The following MAST2 variants were observed in gnomAD, a reference collection of about 807,000 sequenced individuals.
MAST2 encodes the protein microtubule-associated serine/threonine-protein kinase 2.
Under a neutral mutation model 147.4 loss-of-function variants are expected in MAST2, and 70 were observed. The observed-to-expected ratio is 0.47, with a 90% CI of 0.39 to 0.58. MAST2 has a LOEUF of 0.58. MAST2 is among the 20% of genes least tolerant of loss of function. MAST2 has a pLI of 0.00. For synonymous variants in MAST2, 869 were observed against 896.8 expected (o/e 0.97, Z 0.55); for missense variants, 2,080 against 2,302.3 (o/e 0.90, Z 1.98).
At chr1:46,000,245 C>T (rs1453536184) in intron 6 of MAST2, among the ~76,000 whole-genome samples, 4 of 152,150 alleles carry the variant, frequency 2.6e-5, no homozygotes, top group South Asian at 2.1e-4. Context: ...ATCCGGGAGG[C>T]AGAGGTTGCA....
chr1:46,032,378 G>A lies in MAST2; in HGVS notation c.3388G>A (p.Val1130Ile), dbSNP rs1243133179. ...TCGCGTCTACATGGGTGACTCCGAT[G>A]TCTACACCGTGCACCATATGGTGTG... ...AIRVYMGDSD[V>I]YTVHHMVWHV... Residue 1130 changes from valine (V) to isoleucine (I), a missense_variant, in exon 25 of 29, where the codon GTC becomes ATC. Transcript: ENST00000361297. The A allele has an allele frequency of 6.2e-7, 1 of 1,612,786 alleles. No homozygotes were observed. The highest frequency in any genetic ancestry group is 1.7e-5 in the Admixed American group (1 of 59,898).
intron 28 of MAST2, 86 bp downstream of exon 28, chr1:46,034,352 C>G: frequency 4.9e-6 from 7 of 1,438,624 alleles, no homozygotes; most frequent in Non-Finnish European, 6.5e-6. Flanking sequence ...AGATCCCACT[C>G]TGAGTCTCTC....
chr1:45,958,417 C>T (rs939880671), intron 4 of MAST2, among the ~76,000 whole-genome samples: 2 of 151,820 alleles, frequency 1.3e-5, no homozygotes, highest in African/African-American at 4.8e-5. Flanking sequence ...TGTCTGAGTC[C>T]TTCATATCAT....
intron 3 of MAST2, among the ~76,000 whole-genome samples, chr1:45,848,566 G>A (rs529555094): frequency 4.1e-4 from 62 of 152,148 alleles, no homozygotes; most frequent in Non-Finnish European, 7.2e-4. Flanking sequence ...GGAAGCTTGT[G>A]CTTGGTTTCC....
At chr1:45,982,541 A>G (rs1356174985) in intron 5 of MAST2, among the ~76,000 whole-genome samples, 1 of 152,212 alleles carries the variant, frequency 6.6e-6, no homozygotes, top group Non-Finnish European at 1.5e-5. Context: ...TGGTTGGTGA[A>G]CACAGGAGGG....
rs971449905 is a variant in MAST2, at chr1:45,804,142, G to A, written c.177+70G>A. ...GTGGGGGAGGGGATCTTCGGCGGGA[G>A]GACCCGGGCTGGAGCTTTGGAGGGG... On this transcript the variant is annotated intron_variant, in intron 1 of 28. Transcript: ENST00000361297. 3 of 1,270,402 alleles carry A rather than the reference G, an allele frequency of 2.4e-6. No homozygotes were observed. In the African/African-American group the frequency reaches 4.7e-5, roughly 20 times the overall value. The allele number at this position is 1,270,402 out of a possible 1,614,324, so 78.7% of individuals were successfully genotyped here. A position where few individuals can be genotyped will look rare whatever the true frequency, so the allele number is the denominator to read the frequency against.
rs558155327 is a variant in MAST2, at chr1:45,825,397, A to G, written c.325+817A>G. ...AGAGCCATTTCTTGTTTGGTTTTTCATAACATTCTCCTCTTTTTTTAAAAG... is the reference window on the plus strand; with the variant it reads ...AGAGCCATTTCTTGTTTGGTTTTTCGTAACATTCTCCTCTTTTTTTAAAAG... On this transcript the variant is annotated intron_variant, in intron 2 of 28. Transcript: ENST00000361297. Among the ~76,000 whole-genome samples the G allele has an allele frequency of 2.6e-5, 4 of 151,166 alleles. No individual in the cohort carries two copies. In the South Asian group the frequency reaches 6.3e-4, roughly 24 times the overall value.
chr1:45,884,583 A>T (rs904035899), intron 4 of MAST2, among the ~76,000 whole-genome samples: 1 of 151,872 alleles, frequency 6.6e-6, no homozygotes, highest in African/African-American at 2.4e-5. Flanking sequence ...AAAAAAGCCT[A>T]CTCTGTGCTG....
chr1:45,980,938 A>G (rs1264265405), intron 5 of MAST2, among the ~76,000 whole-genome samples: 1 of 152,220 alleles, frequency 6.6e-6, no homozygotes, highest in Non-Finnish European at 1.5e-5. Flanking sequence ...AGATAGAGCC[A>G]ATTTATCAAA....
At chr1:45,811,228 A>G (rs985725892) in intron 1 of MAST2, among the ~76,000 whole-genome samples, 2 of 145,154 alleles carry the variant, frequency 1.4e-5, no homozygotes, top group African/African-American at 2.6e-5. Context: ...GTGCGATGGC[A>G]CGATCTCGGC....
chr1:45,905,834 G>C (rs1174781264), intron 4 of MAST2, among the ~76,000 whole-genome samples: 1 of 151,740 alleles, frequency 6.6e-6, no homozygotes, highest in African/African-American at 2.4e-5. Context: ...CCATCAAATG[G>C]TAACTGGTAA....
At position 46,031,304 on chromosome 1, in the gene MAST2, G is replaced by A; in HGVS notation, c.2992+14G>A. 1 of 1,542,462 alleles carries A rather than the reference G, an allele frequency of 6.5e-7. No individual in the cohort carries two copies. Among genetic ancestry groups the A allele is most frequent in the Non-Finnish European group, 8.8e-7 (1 of 1,140,904 alleles). ...GTTCCAGTCCAGGTATGGCCCAGTG[G>A]GCGGCCAAACGACCTAAGCTGGAGG... On this transcript the variant is annotated intron_variant, in intron 23 of 28. Transcript: ENST00000361297. The surrounding 1 kb of genome is among the most constrained non-coding windows in gnomAD (Gnocchi z 4.1).
chr1:46,025,538 G>A lies in MAST2; in HGVS notation c.1781-139G>A. 6.1e-6 allele frequency: 6 copies of A among 988,658 alleles called. No individual in the cohort carries two copies. In the South Asian group the frequency reaches 9.6e-5, roughly 16 times the overall value. 61.2% of individuals were successfully genotyped at this position (988,658 alleles called of 1,614,324 possible). ...TCTCCCACCCATGCCAGCAGCAAAG[G>A]GGCTAGAATCAGAGTCTCCAGCACC... is the stretch of plus-strand genomic sequence containing the variant. On this transcript the variant is annotated intron_variant, in intron 15 of 28. Coordinates refer to ENST00000361297, the MANE Select transcript of MAST2 (RefSeq NM_015112.3).
At chr1:45,874,321 C>G (rs1277467863) in intron 3 of MAST2, among the ~76,000 whole-genome samples, 1 of 152,028 alleles carries the variant, frequency 6.6e-6, no homozygotes, top group Non-Finnish European at 1.5e-5. Context: ...GAGGCGGAGG[C>G]AAGTGGATCA....
chr1:45,970,651 G>A (rs1351173173), intron 5 of MAST2, among the ~76,000 whole-genome samples: 1 of 122,658 alleles, frequency 8.2e-6, no homozygotes, highest in Admixed American at 9.8e-5. Flanking sequence ...CTGGGCAACA[G>A]AGGAAGACTC....
In MAST2 at chr1:46,012,908, C is replaced by G. The variant is rs541183760; in HGVS notation, c.1188+1969C>G. Reference sequence around the variant, plus strand: ...TCAAGTGATCGCCCTGCCTCGGCCTCTCAAAGTGCTGGGATTACAGGTGTG... The same window carrying G: ...TCAAGTGATCGCCCTGCCTCGGCCTGTCAAAGTGCTGGGATTACAGGTGTG... On this transcript the variant is annotated intron_variant, in intron 10 of 28. Transcript: ENST00000361297. Among the ~76,000 whole-genome samples the G allele has an allele frequency of 5.9e-5, 9 of 152,068 alleles. No homozygotes were observed. In the South Asian group the frequency reaches 1.9e-3, roughly 32 times the overall value.
At position 45,881,820 on chromosome 1, in the gene MAST2, A is replaced by T. The variant is rs191792496; in HGVS notation, c.469-544A>T. 2.6e-5 allele frequency among the ~76,000 whole-genome samples: 4 copies of T among 152,002 alleles called. No homozygotes were observed. In the East Asian group the frequency reaches 7.7e-4, roughly 29 times the overall value. On this transcript the variant is annotated intron_variant, in intron 3 of 28. Coordinates refer to ENST00000361297, the MANE Select transcript of MAST2 (RefSeq NM_015112.3). ...AAATGTTGCATGTATTCTATGAGACATTCCTTTTAGGAAGGAAGGATAAAG... is the reference window on the plus strand; with the variant it reads ...AAATGTTGCATGTATTCTATGAGACTTTCCTTTTAGGAAGGAAGGATAAAG...
Position 45,871,269 on chromosome 1 carries a change from T to C in MAST2, c.469-11095T>C, listed in dbSNP as rs185150051. On this transcript the variant is annotated intron_variant, in intron 3 of 28. Transcript: ENST00000361297. ...ATTGGTAGAGTTTTTTTTCTTATTT[T>C]CTTTTTCTATTTCTACTGGTGTGTT... Among the ~76,000 whole-genome samples, 101 of 152,232 alleles carry C rather than the reference T, an allele frequency of 6.6e-4. 2 individuals are homozygous for C. The highest frequency in any genetic ancestry group is 5.8e-3 in the South Asian group (28 of 4,820).
chr1:45,829,238 C>T (rs957215863), intron 2 of MAST2, among the ~76,000 whole-genome samples: 5 of 151,772 alleles, frequency 3.3e-5, no homozygotes, highest in African/African-American at 7.3e-5. Context: ...TTTCAGTGTT[C>T]CACTTGCCAT....
Sources: allele counts gnomAD v4.1 joint callset (sites outside exome capture counted in the v4.1 genomes callset), GRCh38; gene constraint gnomAD v4.1.1; non-coding constraint Gnocchi (gnomAD v3.1); transcripts MANE v1.5; gene names NCBI Gene and HGNC (gene_info 2026-07-23, HGNC 2026-07-21).